Variants in FAF1 observed in about 807,000 individuals in gnomAD.
FAF1 encodes FAS-associated factor 1.
Under a neutral mutation model 92.5 loss-of-function variants are expected in FAF1, and 25 were observed. That is an observed-to-expected ratio of 0.27 (90% CI 0.20 to 0.38). FAF1 has a LOEUF of 0.38. Among genes scored for constraint, FAF1 ranks in the 10% least tolerant of loss-of-function variants. FAF1 has a pLI of 1.00. For missense variants in FAF1, 636 were observed against 793.3 expected (o/e 0.80, Z 2.38); for synonymous variants, 234 against 273.2 (o/e 0.86, Z 1.42).
intron 7 of FAF1, among the ~76,000 whole-genome samples, chr1:50,660,581 C>T (rs1040598080): frequency 9.9e-5 from 15 of 151,876 alleles, no homozygotes; most frequent in African/African-American, 2.9e-4. Context: ...GCAACCTCCA[C>T]CTCCTGGATT....
At chr1:50,549,594 G>A (rs1649202979) in intron 13 of FAF1, among the ~76,000 whole-genome samples, 1 of 152,102 alleles carries the variant, frequency 6.6e-6, no homozygotes, top group East Asian at 2.0e-4. Flanking sequence ...GGCCAACAAG[G>A]TGAAACCCCG....
chr1:50,734,189 T>C lies in FAF1; in HGVS notation c.551+4674A>G, dbSNP rs1659044099. Among the ~76,000 whole-genome samples the C allele has an allele frequency of 1.3e-5, 2 of 152,308 alleles. 1 individual carries two copies. The highest frequency in any genetic ancestry group is 4.1e-4 in the South Asian group (2 of 4,820). ...GTGCTTCCAATACTTCTCAAGTATC[T>C]TACCTTGACTTCTCCCTCAACTTCT... is the stretch of plus-strand genomic sequence containing the variant. On this transcript the variant is annotated intron_variant, in intron 6 of 18. Transcript: ENST00000396153.
chr1:50,632,594 T>C (rs2124213339), intron 8 of FAF1, among the ~76,000 whole-genome samples: 1 of 152,348 alleles, frequency 6.6e-6, no homozygotes, highest in South Asian at 2.1e-4. Flanking sequence ...AGGGGTAAGA[T>C]ATCTAAATGC....
chr1:50,692,221 T>C (rs1322459241), intron 7 of FAF1, among the ~76,000 whole-genome samples: 1 of 147,552 alleles, frequency 6.8e-6, no homozygotes, highest in African/African-American at 2.5e-5. Context: ...CCCCCACATA[T>C]CCAGCACTTG....
intron 1 of FAF1, among the ~76,000 whole-genome samples, chr1:50,931,485 T>C (rs1269104409): frequency 6.6e-6 from 1 of 152,144 alleles, no homozygotes; most frequent in Admixed American, 6.5e-5. Flanking sequence ...ACTTCTTACA[T>C]GGTGGCAGTG....
intron 5 of FAF1, among the ~76,000 whole-genome samples, chr1:50,742,204 C>CT (rs113818968): frequency 0.086 from 13,086 of 151,720 alleles, 581 homozygotes; most frequent in African/African-American, 0.098. Context: ...GTCCTAGCTA[C>CT]TTAGAAGGCT....
At chr1:50,618,059 T>C (rs1044909325) in intron 8 of FAF1, among the ~76,000 whole-genome samples, 6 of 152,146 alleles carry the variant, frequency 3.9e-5, no homozygotes, top group African/African-American at 1.4e-4. Context: ...CCTTTGTTAA[T>C]CTAGCTAGTA....
intron 7 of FAF1, among the ~76,000 whole-genome samples, chr1:50,672,036 T>C (rs1655910236): frequency 6.7e-6 from 1 of 150,158 alleles, no homozygotes; most frequent in African/African-American, 2.4e-5. Flanking sequence ...TTTTTTTTAT[T>C]ATTTATTTAC....
chr1:50,927,134 G>C (rs763181684), intron 1 of FAF1, among the ~76,000 whole-genome samples: 1 of 152,178 alleles, frequency 6.6e-6, no homozygotes, highest in Non-Finnish European at 1.5e-5. Flanking sequence ...TTAATCAATA[G>C]AGTTTGGGAA....
At chr1:50,831,587 G>T (rs780903802) in intron 2 of FAF1, among the ~76,000 whole-genome samples, 28 of 152,132 alleles carry the variant, frequency 1.8e-4, no homozygotes, top group Non-Finnish European at 3.8e-4. Flanking sequence ...ATATGATCAA[G>T]AGAAAACAAG....
intron 6 of FAF1, among the ~76,000 whole-genome samples, chr1:50,720,453 A>G (rs1230691728): frequency 6.6e-6 from 1 of 152,262 alleles, no homozygotes; most frequent in African/African-American, 2.4e-5. Flanking sequence ...AGAATAATAT[A>G]TCAAATCATG....
chr1:50,591,172 C>G (rs1200845625), intron 9 of FAF1, among the ~76,000 whole-genome samples: 1 of 152,106 alleles, frequency 6.6e-6, no homozygotes, highest in African/African-American at 2.4e-5. Flanking sequence ...TTACCAAATG[C>G]AGATGATGAC....
At chr1:50,624,338 T>C (rs964667795) in intron 8 of FAF1, among the ~76,000 whole-genome samples, 1 of 152,024 alleles carries the variant, frequency 6.6e-6, no homozygotes, top group East Asian at 1.9e-4. Context: ...TTAGTAGAGA[T>C]AGGGTTTCAC....
chr1:50,712,362 A>G (rs1371388590), intron 6 of FAF1, among the ~76,000 whole-genome samples: 1 of 152,110 alleles, frequency 6.6e-6, no homozygotes, highest in Admixed American at 6.5e-5. Context: ...GCTGTAAGAA[A>G]TACGCTATGT....
At chr1:50,586,402 A>C (rs1399764635) in intron 9 of FAF1, among the ~76,000 whole-genome samples, 2 of 152,130 alleles carry the variant, frequency 1.3e-5, no homozygotes, top group African/African-American at 2.4e-5. Context: ...GTTCCAAATG[A>C]GAAAGTCAAG....
intron 1 of FAF1, among the ~76,000 whole-genome samples, chr1:50,904,223 G>T (rs946057447): frequency 1.3e-5 from 2 of 152,134 alleles, no homozygotes; most frequent in Non-Finnish European, 2.9e-5. Context: ...GCTACAGTGT[G>T]GATGCACCCT....
rs1046046217 is a variant in FAF1, at chr1:50,927,937, T to C, written c.45+31830A>G. Among the ~76,000 whole-genome samples the C allele has an allele frequency of 1.2e-4, 18 of 152,350 alleles. No individual in the cohort carries two copies. In the South Asian group the frequency reaches 1.7e-3, roughly 14 times the overall value. ...TCTTTTAACCAAAGAGTTGTTTATA[T>C]GGATGTGTTCATGTTGTGCAAATTC... On this transcript the variant is annotated intron_variant, in intron 1 of 18. Coordinates refer to ENST00000396153, the MANE Select transcript of FAF1 (RefSeq NM_007051.3).
In FAF1 at chr1:50,438,594, A is replaced by G. The variant is rs865900012; in HGVS notation, c.*2846T>C. The G allele has an allele frequency of 2.5e-4, 38 of 152,236 alleles. No individual in the cohort carries two copies. Among genetic ancestry groups the G allele is most frequent in the African/African-American group, 9.2e-4 (38 of 41,466 alleles). The allele number at this position is 152,236 out of a possible 1,614,324, so 9.4% of individuals were successfully genotyped here. On this transcript the variant is annotated 3_prime_UTR_variant, in exon 19 of 19. Coordinates refer to ENST00000396153, the MANE Select transcript of FAF1 (RefSeq NM_007051.3). ...GAAAAGGATGGGTAGAAATGTGTCAATCAGTGATGCTGTTGTGGAGAGAAT... is the reference window on the plus strand; with the variant it reads ...GAAAAGGATGGGTAGAAATGTGTCAGTCAGTGATGCTGTTGTGGAGAGAAT...
chr1:50,546,627 G>A (rs1056778848), intron 13 of FAF1, among the ~76,000 whole-genome samples: 1 of 152,050 alleles, frequency 6.6e-6, no homozygotes, highest in African/African-American at 2.4e-5. Context: ...GCCTCCCAAA[G>A]TGCTGAGATC....
Sources: allele counts gnomAD v4.1 joint callset (sites outside exome capture counted in the v4.1 genomes callset), GRCh38; gene constraint gnomAD v4.1.1; transcripts MANE v1.5; gene names NCBI Gene and HGNC (gene_info 2026-07-23, HGNC 2026-07-21).